Variants in TEX11 observed in about 807,000 individuals in gnomAD.
TEX11 encodes testis-expressed protein 11.
A neutral mutation model predicts 84.4 loss-of-function variants in TEX11; 7 were observed. The observed-to-expected ratio is 0.08, with a 90% CI of 0.05 to 0.16. The LOEUF (loss-of-function observed/expected upper bound fraction) is 0.16, where lower values mean the gene tolerates loss of function less well. Ranked by LOEUF, TEX11 falls within the 10% of genes least tolerant of loss-of-function variation. The pLI, the probability that TEX11 is intolerant of heterozygous loss-of-function variation, is 1.00. For missense variants in TEX11, 551 were observed against 660.5 expected (o/e 0.83, Z 1.82); for synonymous variants, 264 against 222.8 (o/e 1.18, Z -1.64).
At chrX:70,771,087 C>T (rs185421382) in intron 9 of TEX11, among the ~76,000 whole-genome samples, 2 of 111,938 alleles carry the variant, frequency 1.8e-5, no homozygotes, top group East Asian at 2.8e-4. Context: ...AATAAATTTA[C>T]GTGTTTGTTT....
chrX:70,600,231 A>T (rs1015144228), intron 24 of TEX11, among the ~76,000 whole-genome samples: 1 of 111,785 alleles, frequency 8.9e-6, no homozygotes, highest in African/African-American at 3.3e-5. Flanking sequence ...GTGAGATGGT[A>T]TGTCATTGTG....
intron 25 of TEX11, 123 bp from the exon 26 acceptor site, chrX:70,554,923 G>T: frequency 1.5e-6 from 1 of 670,836 alleles, no homozygotes; most frequent in Non-Finnish European, 2.1e-6. Context: ...ACAATTTGAA[G>T]GTCATCTTCA....
intron 28 of TEX11, among the ~76,000 whole-genome samples, chrX:70,535,448 G>A (rs191635151): frequency 9.9e-4 from 111 of 112,044 alleles, no homozygotes; most frequent in African/African-American, 3.4e-3. Context: ...ATAACCCAAA[G>A]TATAAAATAC....
At chrX:70,594,145 G>A (rs1386793838) in intron 24 of TEX11, among the ~76,000 whole-genome samples, 4 of 111,267 alleles carry the variant, frequency 3.6e-5, no homozygotes, top group East Asian at 2.8e-4. Flanking sequence ...CCACATGTAC[G>A]GGTGATTAAG....
At chrX:70,769,654 A>G (rs902466656) in intron 9 of TEX11, among the ~76,000 whole-genome samples, 1 of 111,923 alleles carries the variant, frequency 8.9e-6, no homozygotes, top group African/African-American at 3.2e-5. Flanking sequence ...AATTGTGGAA[A>G]AGACTCTTCT....
intron 25 of TEX11, among the ~76,000 whole-genome samples, chrX:70,581,891 T>C (rs1208451284): frequency 8.9e-6 from 1 of 111,828 alleles, no homozygotes; most frequent in East Asian, 2.8e-4. Flanking sequence ...GCTTCTGTTT[T>C]AAAGGGAAAA....
chrX:70,563,276 A>G (rs1305227643), intron 25 of TEX11, among the ~76,000 whole-genome samples: 1 of 111,908 alleles, frequency 8.9e-6, no homozygotes, highest in Non-Finnish European at 1.9e-5. Flanking sequence ...CAGGACCCTA[A>G]TCCCACATGT....
At position 70,678,849 on chromosome X, in the gene TEX11, G is replaced by A. The variant is rs749318462; in HGVS notation, c.1197C>T (p.Asn399=). 7 of 1,200,306 alleles carry A rather than the reference G, an allele frequency of 5.8e-6. No individual in the cohort carries two copies. The highest frequency in any genetic ancestry group is 3.6e-5 in the South Asian group (2 of 55,381). ...GTCTCCACAGAATGTTGTGTAACCA[G>A]TTCATTGATTCTGCTGTCAGTTGTC... ...TGRQLTAESM[N]WLHNILWRQA... Residue 399 remains asparagine (N), a synonymous_variant, in exon 15 of 30, where the codon AAC becomes AAT. Coordinates refer to ENST00000374333, the MANE Select transcript of TEX11 (RefSeq NM_031276.3).
At chrX:70,829,387 CAGG>C (rs2091363837) in intron 8 of TEX11, among the ~76,000 whole-genome samples, 1 of 106,413 alleles carries the variant, frequency 9.4e-6, no homozygotes, top group African/African-American at 3.5e-5. Context: ...GAGGCTGAGG[CAGG>C]AGAATTACTT....
intron 17 of TEX11, among the ~76,000 whole-genome samples, chrX:70,637,683 T>C (rs1015329865): frequency 9.9e-5 from 11 of 111,195 alleles, no homozygotes; most frequent in African/African-American, 2.3e-4. Context: ...ATACTGCATG[T>C]TCTCACTTAT....
intron 9 of TEX11, among the ~76,000 whole-genome samples, chrX:70,752,054 A>G (rs1246591797): frequency 4.5e-5 from 5 of 112,206 alleles, no homozygotes; most frequent in Admixed American, 9.5e-5. Flanking sequence ...ATTACACCAG[A>G]TGGTAGTTCA....
chrX:70,751,000 T>C (rs1311132759), intron 9 of TEX11, among the ~76,000 whole-genome samples: 1 of 89,190 alleles, frequency 1.1e-5, no homozygotes, highest in Admixed American at 1.3e-4. Context: ...GGAGAGGATG[T>C]GGAGAAATAG....
chrX:70,640,405 G>A (rs1382979869), intron 17 of TEX11, among the ~76,000 whole-genome samples: 10 of 104,034 alleles, frequency 9.6e-5, no homozygotes, highest in African/African-American at 3.5e-4. Flanking sequence ...TTCAGATTCA[G>A]GAAATACAGA....
chrX:70,785,539 A>G (rs984514801), intron 9 of TEX11, among the ~76,000 whole-genome samples: 12 of 111,688 alleles, frequency 1.1e-4, no homozygotes, highest in Non-Finnish European at 2.1e-4. Flanking sequence ...GCAACCTACA[A>G]AATGGGAGAA....
chrX:70,881,568 AC>A (rs756553816), intron 2 of TEX11, among the ~76,000 whole-genome samples: 14 of 111,060 alleles, frequency 1.3e-4, no homozygotes, highest in Non-Finnish European at 2.4e-4. Flanking sequence ...CAGAACTTTT[AC>A]CTTGCTACAG....
intron 14 of TEX11, among the ~76,000 whole-genome samples, chrX:70,680,643 A>G (rs1176773616): frequency 9.0e-6 from 1 of 111,236 alleles, no homozygotes; most frequent in Non-Finnish European, 1.9e-5. Context: ...CTATACTCAG[A>G]ACCTATAATC....
chrX:70,851,156 C>G (rs1167057535), intron 7 of TEX11, among the ~76,000 whole-genome samples: 2 of 111,638 alleles, frequency 1.8e-5, no homozygotes, highest in South Asian at 3.8e-4. Context: ...TTAAAAAGAA[C>G]AAAACTGGAG....
chrX:70,615,214 C>T (rs891240871), intron 20 of TEX11, among the ~76,000 whole-genome samples: 27 of 111,175 alleles, frequency 2.4e-4, no homozygotes, highest in African/African-American at 8.8e-4. Flanking sequence ...ACACCAGGGA[C>T]CAGTTCTGGA....
At chrX:70,688,781 ATATATAT>A (rs1184839939) in intron 13 of TEX11, among the ~76,000 whole-genome samples, 1 of 106,461 alleles carries the variant, frequency 9.4e-6, no homozygotes, top group African/African-American at 3.4e-5. Context: ...ACTAGGTATT[ATATATAT>A]TATATATAAT....
Sources: gnomAD v4.1 joint callset for allele counts (sites outside exome capture counted in the v4.1 genomes callset) on GRCh38, gnomAD v4.1.1 for gene constraint, MANE v1.5 for transcripts, NCBI Gene and HGNC (gene_info 2026-07-23, HGNC 2026-07-21) for gene names.